The following ZNF883 variants were observed in gnomAD, a reference collection of about 807,000 sequenced individuals.
The protein encoded by ZNF883 is zinc finger protein 883.
downstream of ZNF883, among the ~76,000 whole-genome samples, chr9:112,994,393 C>T (rs139839370): frequency 3.8e-4 from 57 of 151,992 alleles, no homozygotes; most frequent in East Asian, 0.01. Context: ...AACCTGGATA[C>T]CTCAGTCACC....
chr9:112,996,846 T>C (rs1828362547), downstream of ZNF883, among the ~76,000 whole-genome samples: 1 of 134,270 alleles, frequency 7.4e-6, no homozygotes, highest in African/African-American at 2.7e-5. Context: ...AGCAAATATA[T>C]ACATTTTAAT....
chr9:113,008,072 CAT>C (rs1226755654), intron 2 of ZNF883, among the ~76,000 whole-genome samples: 2 of 152,116 alleles, frequency 1.3e-5, no homozygotes, highest in Non-Finnish European at 2.9e-5. Context: ...CTTCTAAAGA[CAT>C]AAATTCTTCA....
intron 2 of ZNF883, among the ~76,000 whole-genome samples, chr9:113,005,806 T>A (rs1368767661): frequency 6.6e-6 from 1 of 152,164 alleles, no homozygotes; most frequent in African/African-American, 2.4e-5. Context: ...AGTCCTCTTC[T>A]CTCCTGACAG....
chr9:113,001,531 CGAG>C (rs1205019455), upstream of ZNF883, among the ~76,000 whole-genome samples: 1 of 152,024 alleles, frequency 6.6e-6, no homozygotes, highest in Admixed American at 6.6e-5. Context: ...AAAATACAGA[CGAG>C]GGGCTCTGCA....
intron 2 of ZNF883, among the ~76,000 whole-genome samples, chr9:113,009,180 G>A (rs1413751157): frequency 6.6e-6 from 1 of 151,738 alleles, no homozygotes. Context: ...TATGAAAATT[G>A]GTAAATTATA....
chr9:112,993,563 T>A (rs1401873619), downstream of ZNF883, among the ~76,000 whole-genome samples: 1 of 152,202 alleles, frequency 6.6e-6, no homozygotes, highest in East Asian at 1.9e-4. Flanking sequence ...CAAATCACTC[T>A]AGCTGCCCCT....
At chr9:113,006,727 C>T (rs1020499354) in intron 2 of ZNF883, among the ~76,000 whole-genome samples, 1 of 152,256 alleles carries the variant, frequency 6.6e-6, no homozygotes, top group East Asian at 1.9e-4. Context: ...GATTTGGGTA[C>T]CTATCTAATA....
intron 1 of ZNF883, among the ~76,000 whole-genome samples, chr9:112,989,582 T>C (rs912402332): frequency 2.0e-5 from 3 of 152,232 alleles, no homozygotes; most frequent in Admixed American, 1.3e-4. Flanking sequence ...TCTTTTTGCA[T>C]AGGATTGTCT....
chr9:112,990,304 T>C (rs766934014), intron 1 of ZNF883, among the ~76,000 whole-genome samples: 5 of 152,230 alleles, frequency 3.3e-5, no homozygotes, highest in Non-Finnish European at 2.9e-5. Flanking sequence ...ACCTAGTTTA[T>C]TGAGAGTTTT....
chr9:113,009,604 G>C (rs1160809609), intron 2 of ZNF883, among the ~76,000 whole-genome samples: 1 of 151,904 alleles, frequency 6.6e-6, no homozygotes, highest in Non-Finnish European at 1.5e-5. Context: ...CCACCTCCCA[G>C]GTTCAAGCGA....
chr9:113,005,819 A>G (rs565253586), intron 2 of ZNF883, among the ~76,000 whole-genome samples: 2 of 152,110 alleles, frequency 1.3e-5, no homozygotes, highest in South Asian at 4.2e-4. Context: ...CCTGACAGTT[A>G]CTCTTCTGTC....
At position 112,989,254 on chromosome 9, in the gene ZNF883, G is replaced by A. The variant is rs188265164; in HGVS notation, n.310-5675C>T. Among the ~76,000 whole-genome samples, 44 of 152,204 alleles carry A rather than the reference G, an allele frequency of 2.9e-4. 1 individual carries two copies. The highest frequency in any genetic ancestry group is 1.0e-3 in the African/African-American group (42 of 41,546). ...TATATTTTCTTCTAGGATATTTATAGTTTTGGGTTTTAAAGTCTTTAATCC... is the reference window on the plus strand; with the variant it reads ...TATATTTTCTTCTAGGATATTTATAATTTTGGGTTTTAAAGTCTTTAATCC... On this transcript the variant is annotated intron_variant and non_coding_transcript_variant, in intron 1 of 9. Transcript: ENST00000638823.
chr9:112,993,087 C>T (rs1046055862), downstream of ZNF883, among the ~76,000 whole-genome samples: 1 of 152,214 alleles, frequency 6.6e-6, no homozygotes, highest in African/African-American at 2.4e-5. Flanking sequence ...CCATCCTCAG[C>T]CTCTGCCAAG....
intron 2 of ZNF883, among the ~76,000 whole-genome samples, chr9:113,009,073 T>C (rs944373773): frequency 2.6e-5 from 4 of 152,210 alleles, no homozygotes; most frequent in Non-Finnish European, 4.4e-5. Context: ...CCAGTATCCA[T>C]GTCTGACCTT....
chr9:112,993,039 T>C (rs1830871), downstream of ZNF883, among the ~76,000 whole-genome samples: 73,915 of 152,006 alleles, frequency 0.49, 19,454 homozygotes, highest in East Asian at 0.77. Context: ...CAATGTTTGT[T>C]ATTACCCACC....
chr9:113,007,505 A>T (rs1403167213), intron 2 of ZNF883, among the ~76,000 whole-genome samples: 1 of 152,202 alleles, frequency 6.6e-6, no homozygotes, highest in East Asian at 1.9e-4. Flanking sequence ...CTATGTTCTC[A>T]ACTCATAATG....
intron 2 of ZNF883, among the ~76,000 whole-genome samples, chr9:113,009,654 C>T (rs191727771): frequency 2.2e-4 from 34 of 152,268 alleles, no homozygotes; most frequent in African/African-American, 5.5e-4. Flanking sequence ...GGACTACAGG[C>T]GTATGCCGCC....
At chr9:112,998,538 T>C (rs1368035434), upstream of ZNF883, 2 of 263,884 alleles carry the variant, frequency 7.6e-6, no homozygotes, top group African/African-American at 2.2e-5. Flanking sequence ...TGGGAAACTG[T>C]GGTCAAAAAT....
At chr9:112,995,926 A>C (rs1828349436), downstream of ZNF883, among the ~76,000 whole-genome samples, 1 of 152,058 alleles carries the variant, frequency 6.6e-6, no homozygotes, top group South Asian at 2.1e-4. Context: ...CTATTGCCTT[A>C]TGAAATCTAC....
Sources: gnomAD v4.1 joint callset for allele counts (sites outside exome capture counted in the v4.1 genomes callset) on GRCh38, gnomAD v4.1.1 for gene constraint, MANE v1.5 for transcripts, NCBI Gene and HGNC (gene_info 2026-07-23, HGNC 2026-07-21) for gene names.